SLC24A3: variants seen among roughly 807,000 people sequenced by gnomAD.
The protein encoded by SLC24A3 is sodium/potassium/calcium exchanger 3.
SLC24A3 carries 28 observed loss-of-function variants against 75.8 expected under a neutral mutation model. That is an observed-to-expected ratio of 0.37 (90% CI 0.27 to 0.51). SLC24A3 has a LOEUF of 0.51. SLC24A3 is among the 20% of genes least tolerant of loss of function. The probability of loss-of-function intolerance (pLI) is 0.94; values close to 1 mark genes in which losing one functional copy is unlikely to be tolerated. For synonymous variants in SLC24A3, 372 were observed against 334.1 expected (o/e 1.11, Z -1.24); for missense variants, 663 against 847.8 (o/e 0.78, Z 2.71).
At chr20:19,413,292 A>C (rs889779883) in intron 2 of SLC24A3, among the ~76,000 whole-genome samples, 1 of 152,248 alleles carries the variant, frequency 6.6e-6, no homozygotes, top group Non-Finnish European at 1.5e-5. Context: ...ATGATGCTTC[A>C]TGGAGTATCT....
chr20:19,554,203 G>T (rs947403713), intron 3 of SLC24A3, among the ~76,000 whole-genome samples: 12 of 151,986 alleles, frequency 7.9e-5, no homozygotes, highest in Non-Finnish European at 1.8e-4. Flanking sequence ...GAGAAAGAAA[G>T]TAAAATGTCA....
chr20:19,252,101 C>T (rs1982675935), intron 1 of SLC24A3, among the ~76,000 whole-genome samples: 2 of 152,146 alleles, frequency 1.3e-5, no homozygotes, highest in African/African-American at 2.4e-5. Flanking sequence ...TGGTTGATTC[C>T]ACCAAAGACA....
chr20:19,501,954 C>T (rs1439393014), intron 2 of SLC24A3, among the ~76,000 whole-genome samples: 2 of 152,024 alleles, frequency 1.3e-5, no homozygotes, highest in Non-Finnish European at 2.9e-5. Context: ...CTTAATGTGG[C>T]TAAGGGCAAG....
chr20:19,283,109 A>G (rs981551273), intron 2 of SLC24A3: 17 of 152,670 alleles, frequency 1.1e-4, no homozygotes, highest in African/African-American at 3.9e-4. Flanking sequence ...GGGAATATGG[A>G]TCCAGGAGGG....
chr20:19,612,088 C>T (rs1354440640), intron 6 of SLC24A3, among the ~76,000 whole-genome samples: 2 of 152,182 alleles, frequency 1.3e-5, no homozygotes, highest in Non-Finnish European at 2.9e-5. Context: ...AGGCTAGCCA[C>T]CCGTCCCTAG....
At chr20:19,393,028 CAG>C (rs1986393001) in intron 2 of SLC24A3, among the ~76,000 whole-genome samples, 1 of 152,140 alleles carries the variant, frequency 6.6e-6, no homozygotes, top group South Asian at 2.1e-4. Flanking sequence ...TATCCTCAAG[CAG>C]AGAGTACATT....
intron 2 of SLC24A3, among the ~76,000 whole-genome samples, chr20:19,434,228 C>T (rs1442937074): frequency 6.6e-6 from 1 of 152,196 alleles, no homozygotes; most frequent in Non-Finnish European, 1.5e-5. Context: ...GGCAGTAAAA[C>T]CAAGGAACCG....
At chr20:19,423,244 G>C (rs1013855223) in intron 2 of SLC24A3, among the ~76,000 whole-genome samples, 1 of 152,166 alleles carries the variant, frequency 6.6e-6, no homozygotes, top group South Asian at 2.1e-4. Context: ...TTGTGGGAGG[G>C]AGACATTTGA....
At chr20:19,279,063 A>G (rs532674963) in intron 1 of SLC24A3, among the ~76,000 whole-genome samples, 13 of 152,318 alleles carry the variant, frequency 8.5e-5, no homozygotes, top group African/African-American at 3.1e-4. Context: ...TGGAGAGGCA[A>G]TGTCCACACT....
chr20:19,323,973 A>G (rs940295863), intron 2 of SLC24A3, among the ~76,000 whole-genome samples: 1 of 152,224 alleles, frequency 6.6e-6, no homozygotes, highest in Non-Finnish European at 1.5e-5. Flanking sequence ...ATAGATAAGA[A>G]GAATACCTGC....
At chr20:19,616,844 C>G (rs2031743247) in intron 6 of SLC24A3, among the ~76,000 whole-genome samples, 1 of 152,116 alleles carries the variant, frequency 6.6e-6, no homozygotes, top group Non-Finnish European at 1.5e-5. Flanking sequence ...CAGCTGAGAA[C>G]CCCCTTTAGG....
At chr20:19,511,852 A>T (rs1379399041) in intron 2 of SLC24A3, among the ~76,000 whole-genome samples, 1 of 152,116 alleles carries the variant, frequency 6.6e-6, no homozygotes, top group Non-Finnish European at 1.5e-5. Flanking sequence ...GAAGTTTGCT[A>T]GGTGAGTATT....
At chr20:19,373,061 A>ATT (rs11415733) in intron 2 of SLC24A3, among the ~76,000 whole-genome samples, 1,720 of 150,068 alleles carry the variant, frequency 0.011, 14 homozygotes, top group South Asian at 0.022. Flanking sequence ...TAGTTTTGCG[A>ATT]TTTTTTTTTT....
rs761605448 is a variant in SLC24A3, at chr20:19,693,407, C to G, written c.1473C>G (p.Ser491=). Residue 491 remains serine, a synonymous_variant, in exon 13 of 17, where the codon TCC becomes TCG. Transcript: ENST00000328041. ...CCACGCTGTGGATCGCAGCCTTCTC[C>G]TACATGATGGTGTGGATGGTGAGTG... ...ASSTLWIAAF[S]YMMVWMVTII... is the part of the protein sequence containing the mutation. 6.2e-7 allele frequency: 1 copy of G among 1,614,046 alleles called. No homozygotes were observed. The highest frequency in any genetic ancestry group is 8.5e-7 in the Non-Finnish European group (1 of 1,180,010).
intron 2 of SLC24A3, among the ~76,000 whole-genome samples, chr20:19,474,627 T>C (rs541086496): frequency 5.9e-5 from 9 of 152,238 alleles, no homozygotes; most frequent in Middle Eastern, 3.4e-3. Context: ...ATTGTATGTA[T>C]TTAGGGGGTG....
intron 2 of SLC24A3, among the ~76,000 whole-genome samples, chr20:19,366,023 G>A (rs1985883602): frequency 6.6e-6 from 1 of 152,120 alleles, no homozygotes; most frequent in South Asian, 2.1e-4. Context: ...GTTTGGCAGG[G>A]GCTTCCCTGG....
At chr20:19,516,674 A>G (rs1263516030) in intron 3 of SLC24A3, among the ~76,000 whole-genome samples, 1 of 152,242 alleles carries the variant, frequency 6.6e-6, no homozygotes, top group Admixed American at 6.5e-5. Flanking sequence ...TGACCTCTAC[A>G]GCATGGCAGC....
At chr20:19,288,662 ATTAG>A (rs1600413078) in intron 2 of SLC24A3, among the ~76,000 whole-genome samples, 2 of 152,222 alleles carry the variant, frequency 1.3e-5, no homozygotes, top group East Asian at 1.9e-4. Context: ...CAGTTGATAG[ATTAG>A]TTAGTCTGAG....
chr20:19,225,140 A>G (rs556703334), intron 1 of SLC24A3, among the ~76,000 whole-genome samples: 46 of 152,316 alleles, frequency 3.0e-4, no homozygotes, highest in African/African-American at 1.1e-3. Flanking sequence ...CCGTTTTGAA[A>G]ATGAGTGGCC....
Sources: allele counts gnomAD v4.1 joint callset (sites outside exome capture counted in the v4.1 genomes callset), GRCh38; gene constraint gnomAD v4.1.1; transcripts MANE v1.5; gene names NCBI Gene and HGNC (gene_info 2026-07-23, HGNC 2026-07-21).